Variants in PPP3R1 observed in about 807,000 individuals in gnomAD.
The protein encoded by PPP3R1 is protein phosphatase 3 regulatory subunit B, alpha, also known as calcineurin subunit B type 1.
In PPP3R1, 5 loss-of-function variants were observed where a neutral mutation model predicts 22.6. The ratio of observed to expected loss-of-function variants is 0.22; its 90% CI spans 0.12 to 0.46. The LOEUF (loss-of-function observed/expected upper bound fraction) is 0.46, where lower values mean the gene tolerates loss of function less well. PPP3R1 is among the 20% of genes least tolerant of loss of function. PPP3R1 has a pLI of 0.99. For synonymous variants in PPP3R1, 56 were observed against 65.2 expected (o/e 0.86, Z 0.68); for missense variants, 61 against 203.2 (o/e 0.30, Z 4.25).
At chr2:68,226,972 G>GT (rs1669795519) in intron 1 of PPP3R1, among the ~76,000 whole-genome samples, 1 of 151,990 alleles carries the variant, frequency 6.6e-6, no homozygotes, top group African/African-American at 2.4e-5. Context: ...TAATACTGAA[G>GT]TAATATTTAT....
intron 1 of PPP3R1, among the ~76,000 whole-genome samples, chr2:68,249,663 T>A (rs1670303818): frequency 6.6e-6 from 1 of 151,004 alleles, no homozygotes; most frequent in Non-Finnish European, 1.5e-5. Flanking sequence ...ACCTTCATTC[T>A]CCCTGGACGC....
intron 1 of PPP3R1, among the ~76,000 whole-genome samples, chr2:68,235,805 T>C (rs1440090257): frequency 6.6e-6 from 1 of 152,218 alleles, no homozygotes; most frequent in Non-Finnish European, 1.5e-5. Context: ...ACATTTACAT[T>C]CCCACCAGCA....
At chr2:68,248,516 T>C (rs1413844786) in intron 1 of PPP3R1, among the ~76,000 whole-genome samples, 1 of 152,220 alleles carries the variant, frequency 6.6e-6, no homozygotes, top group Non-Finnish European at 1.5e-5. Flanking sequence ...AAGTTCAGCC[T>C]ATATCACAAT....
At chr2:68,208,703 G>A (rs932753559) in intron 2 of PPP3R1, among the ~76,000 whole-genome samples, 2 of 152,106 alleles carry the variant, frequency 1.3e-5, no homozygotes, top group Non-Finnish European at 2.9e-5. Flanking sequence ...GGGAGGCCAA[G>A]GAAGGTGGAC....
At chr2:68,228,156 T>C (rs946352708) in intron 1 of PPP3R1, among the ~76,000 whole-genome samples, 4 of 152,092 alleles carry the variant, frequency 2.6e-5, no homozygotes, top group African/African-American at 9.7e-5. Context: ...TTGTTTTGTC[T>C]TGGGTTTTAT....
chr2:68,252,382 G>C lies in PPP3R1; in HGVS notation c.-255C>G, dbSNP rs1167138808. 7 of 1,004,164 alleles carry C rather than the reference G, an allele frequency of 7.0e-6. No individual in the cohort carries two copies. The highest frequency in any genetic ancestry group is 8.3e-6 in the Non-Finnish European group (7 of 843,476). The allele number at this position is 1,004,164 out of a possible 1,614,324, so 62.2% of individuals were successfully genotyped here. On this transcript the variant is annotated 5_prime_UTR_variant, in exon 1 of 6. Coordinates refer to ENST00000234310, the MANE Select transcript of PPP3R1 (RefSeq NM_000945.4). The stretch of plus-strand genomic sequence containing the variant: ...AGAGCCGGAGAGCGCGGGAGGAGCA[G>C]CGGCGAGAGGCAGGAGAGGCAGAGA...
intron 2 of PPP3R1, among the ~76,000 whole-genome samples, chr2:68,199,985 TTTC>T (rs1360472987): frequency 6.6e-6 from 1 of 152,216 alleles, no homozygotes; most frequent in Non-Finnish European, 1.5e-5. Context: ...TGTTTCTTTC[TTTC>T]TTTTCATTAA....
At chr2:68,232,441 C>CA (rs1280378712) in intron 1 of PPP3R1, among the ~76,000 whole-genome samples, 1,341 of 129,624 alleles carry the variant, frequency 0.01, 20 homozygotes, top group African/African-American at 0.033. Context: ...ACTCTTGTCT[C>CA]AAAAAAAAAA....
At chr2:68,219,423 T>C (rs1221258025) in intron 1 of PPP3R1, among the ~76,000 whole-genome samples, 2 of 152,182 alleles carry the variant, frequency 1.3e-5, no homozygotes, top group Non-Finnish European at 2.9e-5. Context: ...TTCCCCTTTA[T>C]ACTCCTCTCC....
At chr2:68,216,987 T>C (rs1669591000) in intron 2 of PPP3R1, 105 bp downstream of exon 2, 14 of 818,898 alleles carry the variant, frequency 1.7e-5, no homozygotes, top group Non-Finnish European at 2.5e-5. Flanking sequence ...CAAAGGTAAG[T>C]AAATATACAT....
At chr2:68,237,713 G>T (rs1180744785) in intron 1 of PPP3R1, among the ~76,000 whole-genome samples, 1 of 152,064 alleles carries the variant, frequency 6.6e-6, no homozygotes, top group Non-Finnish European at 1.5e-5. Flanking sequence ...TTCTGGGGCT[G>T]TATCTTTTTT....
intron 1 of PPP3R1, among the ~76,000 whole-genome samples, chr2:68,248,365 ACT>A (rs1670276867): frequency 6.6e-6 from 1 of 152,170 alleles, no homozygotes; most frequent in Admixed American, 6.5e-5. Context: ...CTGCATAATC[ACT>A]GTCTTATTTA....
intron 2 of PPP3R1, among the ~76,000 whole-genome samples, chr2:68,189,520 A>G (rs553786846): frequency 3.3e-5 from 5 of 152,356 alleles, no homozygotes; most frequent in East Asian, 3.9e-4. Flanking sequence ...ACTAATACAC[A>G]TAAGTAATTT....
intron 2 of PPP3R1, among the ~76,000 whole-genome samples, chr2:68,211,526 A>G (rs1413533134): frequency 6.6e-6 from 1 of 152,014 alleles, no homozygotes; most frequent in East Asian, 1.9e-4. Flanking sequence ...CCACGGACTG[A>G]TCGGGGTGGC....
At chr2:68,231,456 T>G (rs968321721) in intron 1 of PPP3R1, among the ~76,000 whole-genome samples, 9 of 124,168 alleles carry the variant, frequency 7.2e-5, no homozygotes, top group Middle Eastern at 5.0e-3. Flanking sequence ...AATACTCAAG[T>G]GTGAATAATA....
chr2:68,196,064 C>T (rs1206016332), intron 2 of PPP3R1, among the ~76,000 whole-genome samples: 1 of 151,952 alleles, frequency 6.6e-6, no homozygotes, highest in Non-Finnish European at 1.5e-5. Context: ...ATACAGGATC[C>T]CGGAATCTCT....
chr2:68,242,904 T>C (rs1166684339), intron 1 of PPP3R1, among the ~76,000 whole-genome samples: 1 of 152,198 alleles, frequency 6.6e-6, no homozygotes, highest in Non-Finnish European at 1.5e-5. Flanking sequence ...CTTCATTCTA[T>C]TGTAACTAGG....
intron 2 of PPP3R1, among the ~76,000 whole-genome samples, chr2:68,214,518 A>C (rs903614138): frequency 6.6e-6 from 1 of 152,296 alleles, no homozygotes; most frequent in Non-Finnish European, 1.5e-5. Flanking sequence ...GCCAACAATC[A>C]TATGAAAAAA....
At chr2:68,217,040 A>ACG (rs35225743) in intron 2 of PPP3R1, 52 bp downstream of exon 2, 1 of 1,188,678 alleles carries the variant, frequency 8.4e-7, no homozygotes, top group Non-Finnish European at 1.1e-6. Flanking sequence ...ACACACACAC[A>ACG]GAGAGAGATG....
Sources: allele counts gnomAD v4.1 joint callset (sites outside exome capture counted in the v4.1 genomes callset), GRCh38; gene constraint gnomAD v4.1.1; transcripts MANE v1.5; gene names NCBI Gene and HGNC (gene_info 2026-07-23, HGNC 2026-07-21).